SMARCA2: variants seen among roughly 807,000 people sequenced by gnomAD.
SMARCA2 encodes the protein SWI/SNF related BAF chromatin remodeling complex subunit ATPase 2.
A neutral mutation model predicts 199.8 loss-of-function variants in SMARCA2; 61 were observed. That is an observed-to-expected ratio of 0.31 (90% CI 0.25 to 0.38). The LOEUF (loss-of-function observed/expected upper bound fraction) is 0.38. Ranked by LOEUF, SMARCA2 falls within the 10% of genes least tolerant of loss-of-function variation. SMARCA2 has a pLI of 1.00. For missense variants in SMARCA2, 1,344 were observed against 2,012.2 expected (o/e 0.67, Z 6.35); for synonymous variants, 935 against 732.0 (o/e 1.28, Z -4.48).
chr9:2,073,155 C>G (rs1821163070), intron 10 of SMARCA2, 57 bp from the exon 11 acceptor site: 5 of 1,603,896 alleles, frequency 3.1e-6, no homozygotes, highest in Non-Finnish European at 4.3e-6. Context: ...ACGTCCAGTA[C>G]AGGACTGGGG....
At chr9:2,097,232 A>G (rs1432490009) in intron 20 of SMARCA2, 153 bp from the exon 21 acceptor site, 1 of 560,490 alleles carries the variant, frequency 1.8e-6, no homozygotes, top group Admixed American at 3.2e-5. Context: ...AGGAACTGCT[A>G]TATAATTAAA....
chr9:2,156,370 T>A (rs1327726435), intron 27 of SMARCA2, among the ~76,000 whole-genome samples: 1 of 151,610 alleles, frequency 6.6e-6, no homozygotes, highest in Non-Finnish European at 1.5e-5. Context: ...TTTCAGGGAC[T>A]TTTTTTTCTT....
At chr9:2,187,670 C>G (rs1827566319) in intron 32 of SMARCA2, among the ~76,000 whole-genome samples, 1 of 151,582 alleles carries the variant, frequency 6.6e-6, no homozygotes, top group South Asian at 2.1e-4. Context: ...GAACAAAACT[C>G]TATCTAAAAA....
At chr9:2,134,126 T>C (rs1054476369) in intron 27 of SMARCA2, among the ~76,000 whole-genome samples, 2 of 152,114 alleles carry the variant, frequency 1.3e-5, no homozygotes, top group African/African-American at 4.8e-5. Context: ...ACCTAATGGA[T>C]AATAGAAAAA....
intron 29 of SMARCA2, among the ~76,000 whole-genome samples, chr9:2,175,920 C>G (rs998710704): frequency 1.3e-4 from 19 of 151,924 alleles, no homozygotes; most frequent in South Asian, 2.1e-4. Context: ...GCTCTTGTTG[C>G]CCAAGCTGGA....
At chr9:2,097,711 G>A (rs891584474) in intron 21 of SMARCA2, among the ~76,000 whole-genome samples, 1 of 152,222 alleles carries the variant, frequency 6.6e-6, no homozygotes, top group Admixed American at 6.5e-5. Flanking sequence ...AGAGTTTAAA[G>A]TGGAGAGAAA....
At chr9:2,143,863 G>A (rs1265560389) in intron 27 of SMARCA2, among the ~76,000 whole-genome samples, 1 of 152,194 alleles carries the variant, frequency 6.6e-6, no homozygotes, top group African/African-American at 2.4e-5. Flanking sequence ...GAAGCCATAT[G>A]CATTGAGGTT....
chr9:2,115,458 G>A lies in SMARCA2; in HGVS notation c.3457-364G>A, dbSNP rs112199698. Among the ~76,000 whole-genome samples, 9 of 152,262 alleles carry A rather than the reference G, an allele frequency of 5.9e-5. 1 individual carries two copies. Among genetic ancestry groups the A allele is most frequent in the African/African-American group, 2.2e-4 (9 of 41,552 alleles). On this transcript the variant is annotated intron_variant, in intron 24 of 33. Transcript: ENST00000349721. The surrounding 1 kb of genome is among the most constrained non-coding windows in gnomAD (Gnocchi z 6.0). ...GAAAAGGCGTTTCTTGCAACTTAAGGTTAGTTGTAGGTGTTATGTAAGTCA... is the reference window on the plus strand; with the variant it reads ...GAAAAGGCGTTTCTTGCAACTTAAGATTAGTTGTAGGTGTTATGTAAGTCA...
intron 12 of SMARCA2, among the ~76,000 whole-genome samples, chr9:2,076,012 G>A (rs535436116): frequency 3.0e-4 from 45 of 152,340 alleles, no homozygotes; most frequent in Middle Eastern, 6.8e-3. Flanking sequence ...GGGATCCTCA[G>A]AGAGTTCCCT....
At position 2,056,980 on chromosome 9, in the gene SMARCA2, C is replaced by A; in HGVS notation, c.1347+135C>A. 1.4e-6 allele frequency: 1 copy of A among 728,010 alleles called. No individual in the cohort carries two copies. Among genetic ancestry groups the A allele is most frequent in the Non-Finnish European group, 2.2e-6 (1 of 448,488 alleles). The allele number at this position is 728,010 out of a possible 1,614,324, so 45.1% of individuals were successfully genotyped here. A position where few individuals can be genotyped will look rare whatever the true frequency, so the allele number is the denominator to read the frequency against. ...ATCACAGAACAGAACGGTTCCTTGACATGTACATAATCCAACCACATCATT... is the reference window on the plus strand; with the variant it reads ...ATCACAGAACAGAACGGTTCCTTGAAATGTACATAATCCAACCACATCATT... On this transcript the variant is annotated intron_variant, in intron 7 of 33. Transcript: ENST00000349721. The surrounding 1 kb of genome is among the most constrained non-coding windows in gnomAD (Gnocchi z 4.0).
intron 5 of SMARCA2, among the ~76,000 whole-genome samples, chr9:2,053,555 G>A (rs915361670): frequency 3.5e-4 from 53 of 152,226 alleles, no homozygotes; most frequent in African/African-American, 1.2e-3. Flanking sequence ...TTACAGAGGC[G>A]TGTCTGTGTG....
chr9:2,147,197 C>T (rs1204739267), intron 27 of SMARCA2, among the ~76,000 whole-genome samples: 3 of 141,628 alleles, frequency 2.1e-5, no homozygotes, highest in Non-Finnish European at 4.5e-5. Flanking sequence ...AGTACAGAAT[C>T]GAGCTATTAA....
chr9:2,119,460 A>G lies in SMARCA2; in HGVS notation c.3687A>G (p.Glu1229=). 6.2e-7 allele frequency: 1 copy of G among 1,610,868 alleles called. No homozygotes were observed. Among genetic ancestry groups the G allele is most frequent in the Non-Finnish European group, 8.5e-7 (1 of 1,177,050 alleles). Reference sequence around the variant, plus strand: ...AATCACTCTGTTTTTAACCCCAGGAAGAAGATGAAGTACCGGACGATGAGA... The same window carrying G: ...AATCACTCTGTTTTTAACCCCAGGAGGAAGATGAAGTACCGGACGATGAGA... The part of the protein sequence containing the change: ...AILEHEEENE[E]EDEVPDDETL... The change falls in exon 26 of 34, where the codon GAA becomes GAG. Residue 1229 remains glutamate (E), a splice_region_variant and synonymous_variant. Transcript: ENST00000349721. This position sits in a 1 kb window ranked among gnomAD's most constrained non-coding sequence, Gnocchi z 4.6.
chr9:2,066,959 T>G (rs923061829), intron 9 of SMARCA2, among the ~76,000 whole-genome samples: 1 of 152,206 alleles, frequency 6.6e-6, no homozygotes, highest in Non-Finnish European at 1.5e-5. Flanking sequence ...TTTTTTAAGT[T>G]TTGAGACACA....
At chr9:2,111,273 A>T (rs1030896308) in intron 24 of SMARCA2, among the ~76,000 whole-genome samples, 3 of 151,916 alleles carry the variant, frequency 2.0e-5, no homozygotes, top group African/African-American at 7.3e-5. Flanking sequence ...GATTGCTTTG[A>T]GCCCAGGAAT....
rs748144678 is a variant in SMARCA2, at chr9:2,119,478, C to T, written c.3705C>T (p.Asp1235=). 8.1e-6 allele frequency: 13 copies of T among 1,612,794 alleles called. No individual in the cohort carries two copies. The Admixed American group carries it at 1.5e-4, about 19-fold the overall frequency. ...CCCAGGAAGAAGATGAAGTACCGGA[C>T]GATGAGACTCTGAACCAAATGATTG... ...EENEEEDEVP[D]DETLNQMIAR... The change falls in exon 26 of 34, where the codon GAC becomes GAT. Residue 1235 remains aspartate (D), a synonymous_variant. Coordinates refer to ENST00000349721, the MANE Select transcript of SMARCA2 (RefSeq NM_003070.5). This position sits in a 1 kb window ranked among gnomAD's most constrained non-coding sequence, Gnocchi z 4.6.
At chr9:2,076,536 T>TTCCC (rs1353468721) in intron 13 of SMARCA2, among the ~76,000 whole-genome samples, 8 of 151,594 alleles carry the variant, frequency 5.3e-5, no homozygotes, top group Non-Finnish European at 1.2e-4. Context: ...CCTTCCTTCC[T>TTCCC]TCCCTTTCTT....
intron 2 of SMARCA2, among the ~76,000 whole-genome samples, chr9:2,029,617 A>G (rs565418533): frequency 6.6e-6 from 1 of 152,360 alleles, no homozygotes; most frequent in South Asian, 2.1e-4. Flanking sequence ...ACTGAAAATT[A>G]TTCTTTCCTA....
intron 5 of SMARCA2, among the ~76,000 whole-genome samples, chr9:2,048,354 CT>C (rs1729676714): frequency 6.6e-6 from 1 of 152,202 alleles, no homozygotes; most frequent in African/African-American, 2.4e-5. Context: ...GAAGTTATGT[CT>C]CTTTTCTGTG....
Sources: allele counts gnomAD v4.1 joint callset (sites outside exome capture counted in the v4.1 genomes callset), GRCh38; gene constraint gnomAD v4.1.1; non-coding constraint Gnocchi (gnomAD v3.1); transcripts MANE v1.5; gene names NCBI Gene and HGNC (gene_info 2026-07-23, HGNC 2026-07-21).